SHROOM4: variants seen among roughly 807,000 people sequenced by gnomAD.
The protein encoded by SHROOM4 is shroom family member 4, also known as protein Shroom4.
SHROOM4 carries 17 observed loss-of-function variants against 80.3 expected under a neutral mutation model. The ratio of observed to expected loss-of-function variants is 0.21; its 90% CI spans 0.14 to 0.32. The LOEUF is 0.32. Ranked by LOEUF, SHROOM4 falls within the 10% of genes least tolerant of loss-of-function variation. The probability of loss-of-function intolerance (pLI) is 1.00; values close to 1 mark genes in which losing one functional copy is unlikely to be tolerated. For missense variants in SHROOM4, 993 were observed against 1,140.3 expected, an observed-to-expected ratio of 0.87 and a Z score of 1.86; for synonymous variants, 400 against 437.5, an observed-to-expected ratio of 0.91 and a Z score of 1.07.
At chrX:50,688,342 C>CA (rs1933131799) in intron 2 of SHROOM4, among the ~76,000 whole-genome samples, 1 of 110,532 alleles carries the variant, frequency 9.0e-6, no homozygotes, top group South Asian at 3.8e-4. Flanking sequence ...TCTAAGTGTT[C>CA]AAAAACAGAT....
At chrX:50,638,387 C>G (rs890930306) in intron 2 of SHROOM4, 79 bp from the exon 3 acceptor site, 18 of 1,135,541 alleles carry the variant, frequency 1.6e-5, no homozygotes, top group Non-Finnish European at 1.9e-5. Context: ...CGCCCCACCC[C>G]CTCTTTTCCT....
intron 1 of SHROOM4, among the ~76,000 whole-genome samples, chrX:50,812,798 T>A (rs1219875838): frequency 2.7e-5 from 3 of 111,630 alleles, no homozygotes; most frequent in African/African-American, 9.8e-5. Context: ...AAGACACATC[T>A]TTCTATCTCC....
chrX:50,637,630 G>A lies in SHROOM4; in HGVS notation c.404+544C>T, dbSNP rs373501088. 3.4e-4 allele frequency among the ~76,000 whole-genome samples: 38 copies of A among 112,625 alleles called. No homozygotes were observed. In the South Asian group the frequency reaches 0.014, roughly 42 times the overall value. On this transcript the variant is annotated intron_variant, in intron 3 of 8. Transcript: ENST00000376020. The stretch of plus-strand genomic sequence containing the variant: ...TTCTTGGAGGGAAGCTCTTGTGGAA[G>A]GGAAAAGGCAGTGAAGGGCAGCACC...
At chrX:50,716,777 T>A (rs1329882882) in intron 1 of SHROOM4, among the ~76,000 whole-genome samples, 1 of 112,126 alleles carries the variant, frequency 8.9e-6, no homozygotes, top group Non-Finnish European at 1.9e-5. Context: ...GACACCTATA[T>A]GGTTTCCCAG....
At chrX:50,711,933 T>C (rs1337717183) in intron 1 of SHROOM4, among the ~76,000 whole-genome samples, 1 of 112,512 alleles carries the variant, frequency 8.9e-6, no homozygotes, top group Non-Finnish European at 1.9e-5. Context: ...GGTTCTGCCA[T>C]TTAGTGACAG....
chrX:50,642,975 T>C (rs1377079700), intron 2 of SHROOM4, among the ~76,000 whole-genome samples: 3 of 111,457 alleles, frequency 2.7e-5, no homozygotes, highest in African/African-American at 9.8e-5. Flanking sequence ...AGCAATTCCC[T>C]CAAGAAGCAG....
At chrX:50,751,599 A>T (rs1291755571) in intron 1 of SHROOM4, among the ~76,000 whole-genome samples, 1 of 111,782 alleles carries the variant, frequency 8.9e-6, no homozygotes, top group Admixed American at 9.5e-5. Flanking sequence ...ATTTCTTACT[A>T]TCCATCATGA....
chrX:50,641,652 G>A (rs1434166984), intron 2 of SHROOM4, among the ~76,000 whole-genome samples: 3 of 106,536 alleles, frequency 2.8e-5, no homozygotes, highest in Non-Finnish European at 5.8e-5. Context: ...CATTCTTGTC[G>A]CCAAGCCTGG....
At chrX:50,581,237 T>C in the SHROOM4 span, among the ~76,000 whole-genome samples, 215 of 112,526 alleles carry the variant, frequency 1.9e-3, no homozygotes, top group Non-Finnish European at 3.6e-3. Flanking sequence ...AATAAACTTT[T>C]AAAAATTGGC....
intron 2 of SHROOM4, 131 bp from the exon 3 acceptor site, chrX:50,638,439 C>A: frequency 2.5e-6 from 2 of 804,274 alleles, no homozygotes; most frequent in South Asian, 2.5e-5. Context: ...GTGTGGGAAT[C>A]TTAGTGGCCC....
At chrX:50,767,687 TA>T (rs111464757) in intron 1 of SHROOM4, among the ~76,000 whole-genome samples, 3 of 110,488 alleles carry the variant, frequency 2.7e-5, no homozygotes, top group Non-Finnish European at 3.8e-5. Flanking sequence ...GGGGTATTGC[TA>T]AAAAAAATGG....
At chrX:50,581,464 G>A in the SHROOM4 span, among the ~76,000 whole-genome samples, 1 of 111,369 alleles carries the variant, frequency 9.0e-6, no homozygotes, top group Non-Finnish European at 1.9e-5. Context: ...TATTTTGCCT[G>A]TCAGTCCGGC....
At chrX:50,753,364 C>A (rs1463750349) in intron 1 of SHROOM4, among the ~76,000 whole-genome samples, 5 of 112,024 alleles carry the variant, frequency 4.5e-5, no homozygotes, top group Admixed American at 1.9e-4. Context: ...TAATTTGTAA[C>A]CTATATGGGT....
At chrX:50,767,002 C>T (rs1935289456) in intron 1 of SHROOM4, among the ~76,000 whole-genome samples, 1 of 111,853 alleles carries the variant, frequency 8.9e-6, no homozygotes, top group Non-Finnish European at 1.9e-5. Flanking sequence ...TATATACCTA[C>T]TAAACTAGCA....
chrX:50,812,040 C>A (rs1410252284), intron 1 of SHROOM4, among the ~76,000 whole-genome samples: 1 of 109,628 alleles, frequency 9.1e-6, no homozygotes, highest in Non-Finnish European at 1.9e-5. Flanking sequence ...CAAAATAATC[C>A]GGGACCACAG....
chrX:50,581,629 T>A, the SHROOM4 span, among the ~76,000 whole-genome samples: 2 of 111,810 alleles, frequency 1.8e-5, no homozygotes, highest in Non-Finnish European at 3.8e-5. Flanking sequence ...CCTGGTAGCC[T>A]TCTCCCTGAG....
intron 2 of SHROOM4, among the ~76,000 whole-genome samples, chrX:50,664,038 C>G (rs191835253): frequency 1.3e-3 from 147 of 112,373 alleles, no homozygotes; most frequent in African/African-American, 4.5e-3. Context: ...AAAAAACTCT[C>G]AAATGCCATA....
At position 50,622,841 on chromosome X, in the gene SHROOM4, T is replaced by C. The variant is rs1345031079; in HGVS notation, c.2957+4773A>G. The stretch of plus-strand genomic sequence containing the variant: ...CATCTTCAGTGTCAATACTTCCTTT[T>C]CTATTGAGCTTTCCTTTCTGTTTTA... On this transcript the variant is annotated intron_variant, in intron 5 of 8. Coordinates refer to ENST00000376020, the MANE Select transcript of SHROOM4 (RefSeq NM_020717.5). 2.7e-5 allele frequency among the ~76,000 whole-genome samples: 3 copies of C among 112,342 alleles called. No individual in the cohort carries two copies. In the East Asian group the frequency reaches 8.4e-4, roughly 31 times the overall value.
In SHROOM4 at chrX:50,683,969, A is replaced by T. The variant is rs1490312138; in HGVS notation, c.269+11817T>A. ...CCATAAAAAAGGAATAGACAAGAGAAAGCAAAGAAAAACCAGGGGAAGCAT... is the reference window on the plus strand; with the variant it reads ...CCATAAAAAAGGAATAGACAAGAGATAGCAAAGAAAAACCAGGGGAAGCAT... On this transcript the variant is annotated intron_variant, in intron 2 of 8. Coordinates refer to ENST00000376020, the MANE Select transcript of SHROOM4 (RefSeq NM_020717.5). Among the ~76,000 whole-genome samples, 15 of 111,570 alleles carry T rather than the reference A, an allele frequency of 1.3e-4. No homozygotes were observed. In the Admixed American group the frequency reaches 1.4e-3, roughly 11 times the overall value.
Sources: allele counts gnomAD v4.1 joint callset (sites outside exome capture counted in the v4.1 genomes callset), GRCh38; gene constraint gnomAD v4.1.1; transcripts MANE v1.5; gene names NCBI Gene and HGNC (gene_info 2026-07-23, HGNC 2026-07-21).